TRIM16: variants seen among roughly 807,000 people sequenced by gnomAD.
TRIM16 encodes the protein tripartite motif containing 16.
In TRIM16, 33 loss-of-function variants were observed where a neutral mutation model predicts 50.4. The observed-to-expected ratio is 0.65, with a 90% CI of 0.50 to 0.88. TRIM16 has a LOEUF of 0.88. Among genes scored for constraint, TRIM16 ranks in the 40% least tolerant of loss-of-function variants. The pLI is 0.00. For missense variants in TRIM16, 581 were observed against 686.8 expected (o/e 0.85, Z 1.72); for synonymous variants, 229 against 270.7 (o/e 0.85, Z 1.51).
Position 15,632,552 on chromosome 17 carries a change from C to G in TRIM16, c.972G>C (p.Leu324Phe). The G allele has an allele frequency of 6.2e-7, 1 of 1,613,132 alleles. No individual in the cohort carries two copies. Among genetic ancestry groups the G allele is most frequent in the Non-Finnish European group, 8.5e-7 (1 of 1,179,644 alleles). ...GGAGCTTTTTCTTATAGTTCTCCAG[C>G]AACTGGATTAAGTGTACAGTGGATT... ...ITESTVHLIQ[L>F]LENYKKKLQE... The change falls in exon 10 of 12, where the codon TTG becomes TTC. Residue 324 changes from leucine (L) to phenylalanine (F), a missense_variant. Leu to Phe is a conservative substitution (Grantham distance 22). This residue lies in a region of TRIM16 where 450 missense variants were observed against 544.3 expected (regional missense o/e 0.83). Coordinates refer to ENST00000649191, the MANE Select transcript of TRIM16 (RefSeq NM_001348119.1).
At position 15,664,862 on chromosome 17, in the gene TRIM16, A is replaced by C. The variant is rs1246855180; in HGVS notation, c.-338+12314T>G. On this transcript the variant is annotated intron_variant, in intron 6 of 11. Coordinates refer to ENST00000649191, the MANE Select transcript of TRIM16 (RefSeq NM_001348119.1). ...GCCTGGCCAACATGGTGAAACCCCG[A>C]CTCTACTAAAAATACAAAAATTAGC... Among the ~76,000 whole-genome samples, 3 of 151,648 alleles carry C rather than the reference A, an allele frequency of 2.0e-5. No homozygotes were observed. In the East Asian group the frequency reaches 5.9e-4, roughly 30 times the overall value.
intron 7 of TRIM16, chr17:15,643,045 T>C: frequency 1.2e-6 from 1 of 801,604 alleles, no homozygotes; most frequent in Non-Finnish European, 1.6e-6. Context: ...ACGGATGCCG[T>C]GCTGCTCACC....
chr17:15,660,933 G>A (rs890725062), intron 6 of TRIM16, among the ~76,000 whole-genome samples: 1 of 151,714 alleles, frequency 6.6e-6, no homozygotes, highest in Non-Finnish European at 1.5e-5. Flanking sequence ...GAACACAGAG[G>A]GGGCTATTGC....
intron 6 of TRIM16, among the ~76,000 whole-genome samples, chr17:15,665,397 T>A (rs1451154121): frequency 6.6e-6 from 1 of 152,040 alleles, no homozygotes; most frequent in Non-Finnish European, 1.5e-5. Flanking sequence ...TAGTCCCAGC[T>A]ACTCAGGAGG....
rs1454314909 is a variant in TRIM16 at position 15,628,729 on chromosome 17, T to G, written c.1581A>C (p.Ser527=). 6.2e-7 allele frequency: 1 copy of G among 1,614,092 alleles called. No homozygotes were observed. Among genetic ancestry groups the G allele is most frequent in the African/African-American group, 1.3e-5 (1 of 74,940 alleles). Reference sequence around the variant, plus strand: ...GCCAGAAGGCAGCATAGACTGGTTCTGAAAATTTGCAGGCAAACTTGTGAA... The same window carrying G: ...GCCAGAAGGCAGCATAGACTGGTTCGGAAAATTTGCAGGCAAACTTGTGAA... The part of the protein sequence containing the change: ...TLVHKFACKF[S]EPVYAAFWLS... The change falls in exon 12 of 12, where the codon TCA becomes TCC. Residue 527 remains serine (S), a synonymous_variant. Transcript: ENST00000649191.
At chr17:15,668,027 G>A (rs1312568550) in intron 6 of TRIM16, among the ~76,000 whole-genome samples, 1 of 151,886 alleles carries the variant, frequency 6.6e-6, no homozygotes, top group Admixed American at 6.6e-5. Context: ...TCAACCTTCG[G>A]CTTACAAGGG....
intron 9 of TRIM16, 98 bp from the exon 10 acceptor site, chr17:15,632,772 C>G: frequency 7.3e-7 from 1 of 1,364,516 alleles, no homozygotes. Flanking sequence ...GTAAAATGGG[C>G]TGACGGTAAT....
intron 9 of TRIM16, chr17:15,632,991 T>C (rs1413441421): frequency 2.6e-5 from 5 of 195,952 alleles, no homozygotes; most frequent in Non-Finnish European, 5.1e-5. Context: ...TAAAGAACAT[T>C]CTTGCTTTGT....
At chr17:15,665,367 G>A (rs971971685) in intron 6 of TRIM16, among the ~76,000 whole-genome samples, 3 of 152,162 alleles carry the variant, frequency 2.0e-5, no homozygotes, top group Non-Finnish European at 4.4e-5. Flanking sequence ...AAATTAGCCG[G>A]GCATGGTGGT....
intron 6 of TRIM16, among the ~76,000 whole-genome samples, chr17:15,654,093 C>T (rs575120230): frequency 1.2e-4 from 18 of 152,280 alleles, no homozygotes; most frequent in Admixed American, 1.2e-3. Context: ...CTCTGCATCC[C>T]TGCGGTGAGT....
chr17:15,680,996 T>C, intron 3 of TRIM16, 43 bp from the exon 4 acceptor site: 2 of 1,384,418 alleles, frequency 1.4e-6, no homozygotes, highest in Non-Finnish European at 1.9e-6. Context: ...TATCTTTATG[T>C]ATCTCAAACC....
At chr17:15,655,376 C>T (rs1987925305) in intron 6 of TRIM16, among the ~76,000 whole-genome samples, 1 of 152,172 alleles carries the variant, frequency 6.6e-6, no homozygotes. Context: ...CTCCCTATCT[C>T]ATTCCCACCC....
chr17:15,636,152 G>C lies in TRIM16; in HGVS notation c.733C>G (p.Leu245Val), dbSNP rs1327373598. 3 of 1,609,980 alleles carry C rather than the reference G, an allele frequency of 1.9e-6. No individual in the cohort carries two copies. The South Asian group carries it at 3.3e-5, about 18-fold the overall frequency. The change falls in exon 9 of 12, where the codon CTG (leucine) becomes GTG (valine). Residue 245 changes from leucine to valine, a missense_variant. This residue lies in a region of TRIM16 where 450 missense variants were observed against 544.3 expected (regional missense o/e 0.83). Transcript: ENST00000649191. ...GCCTTGATACCGTTGGCCTGGCTCAGCGCAGCTTGCTCCTTCTCCTCTAAG... is the reference window on the plus strand; with the variant it reads ...GCCTTGATACCGTTGGCCTGGCTCACCGCAGCTTGCTCCTTCTCCTCTAAG... ...LFLEEKEQAA[L>V]SQANGIKAHL...
At chr17:15,658,405 G>C (rs1988071067) in intron 6 of TRIM16, among the ~76,000 whole-genome samples, 1 of 151,866 alleles carries the variant, frequency 6.6e-6, no homozygotes. Flanking sequence ...AATCTCACTG[G>C]ATTTTTTTCC....
At chr17:15,645,142 T>G (rs1987307345) in intron 7 of TRIM16, among the ~76,000 whole-genome samples, 1 of 152,194 alleles carries the variant, frequency 6.6e-6, no homozygotes, top group Non-Finnish European at 1.5e-5. Context: ...TTAATATCTC[T>G]AAACTTCCAT....
At chr17:15,666,046 T>C (rs1988484966) in intron 6 of TRIM16, among the ~76,000 whole-genome samples, 1 of 152,106 alleles carries the variant, frequency 6.6e-6, no homozygotes, top group Non-Finnish European at 1.5e-5. Flanking sequence ...CCCATGTCCA[T>C]ACCATCACCA....
chr17:15,681,392 C>T (rs909465041), intron 3 of TRIM16, among the ~76,000 whole-genome samples: 5 of 152,238 alleles, frequency 3.3e-5, no homozygotes, highest in African/African-American at 1.2e-4. Context: ...TGGTCACAGA[C>T]ACCTTTAGCC....
intron 11 of TRIM16, among the ~76,000 whole-genome samples, chr17:15,630,957 G>A (rs950867632): frequency 5.3e-5 from 8 of 152,196 alleles, no homozygotes; most frequent in Admixed American, 4.6e-4. Flanking sequence ...GCTACACGTG[G>A]ATGTTCAACA....
chr17:15,638,399 T>A (rs1338468267), intron 8 of TRIM16, among the ~76,000 whole-genome samples: 4 of 148,468 alleles, frequency 2.7e-5, no homozygotes, highest in Admixed American at 6.7e-5. Context: ...GGTGAAACCC[T>A]GTCTCTACTA....
Sources: allele counts gnomAD v4.1 joint callset (sites outside exome capture counted in the v4.1 genomes callset), GRCh38; gene constraint gnomAD v4.1.1; regional missense constraint gnomAD v4.1.1; transcripts MANE v1.5; gene names NCBI Gene and HGNC (gene_info 2026-07-23, HGNC 2026-07-21).